WASF3: variants seen among roughly 807,000 people sequenced by gnomAD.
WASF3 encodes the protein WASP family member 3.
A neutral mutation model predicts 46.6 loss-of-function variants in WASF3; 11 were observed. That is an observed-to-expected ratio of 0.24 (90% CI 0.15 to 0.39). The LOEUF is 0.39. WASF3 is among the 10% of genes least tolerant of loss of function. The pLI is 1.00. For synonymous variants in WASF3, 242 were observed against 259.7 expected (o/e 0.93, Z 0.65); for missense variants, 576 against 669.8 (o/e 0.86, Z 1.55).
chr13:26,628,052 A>G (rs1320046784), intron 2 of WASF3, among the ~76,000 whole-genome samples: 1 of 132,254 alleles, frequency 7.6e-6, no homozygotes, highest in African/African-American at 2.9e-5. Context: ...CTGCCCGTAC[A>G]TGGAAATGTG....
At chr13:26,612,724 A>G (rs1380537145) in intron 1 of WASF3, among the ~76,000 whole-genome samples, 2 of 152,132 alleles carry the variant, frequency 1.3e-5, no homozygotes, top group African/African-American at 2.4e-5. Context: ...CCCTTCAGCT[A>G]TTATTTACTG....
intron 2 of WASF3, among the ~76,000 whole-genome samples, chr13:26,629,841 C>T (rs1054536301): frequency 2.0e-5 from 3 of 152,078 alleles, no homozygotes; most frequent in Admixed American, 6.5e-5. Context: ...TGCCTGGACC[C>T]CTGGTTCTCT....
chr13:26,660,194 G>GTTTTTTTTTTTTTTTTTTT (rs71080285), intron 3 of WASF3, among the ~76,000 whole-genome samples: 2 of 43,362 alleles, frequency 4.6e-5, no homozygotes, highest in African/African-American at 1.5e-4. Context: ...TTTTTGTTTG[G>GTTTTTTTTTTTTTTTTTTT]TTTTTTTTTT....
chr13:26,619,939 C>A (rs548034699), intron 2 of WASF3, among the ~76,000 whole-genome samples: 2 of 152,212 alleles, frequency 1.3e-5, no homozygotes, highest in Admixed American at 1.3e-4. Flanking sequence ...CCTGGTAAGA[C>A]ACAGAAATGA....
chr13:26,571,498 A>G (rs1879633137), intron 1 of WASF3, among the ~76,000 whole-genome samples: 1 of 152,170 alleles, frequency 6.6e-6, no homozygotes. Context: ...TATAAAGTTC[A>G]TCTTTACCCA....
chr13:26,681,256 C>A lies in WASF3; in HGVS notation c.919C>A (p.Pro307Thr), dbSNP rs752781175. 4 of 1,613,430 alleles carry A rather than the reference C, an allele frequency of 2.5e-6. No individual in the cohort carries two copies. The highest frequency in any genetic ancestry group is 3.4e-6 in the Non-Finnish European group (4 of 1,179,846). ...CAACAGACCTCAGCAGCCGCCCCCC[C>A]CGCCTCCCCCTCAGGCCCCAGAGGG... ...ALNRPQQPPP[P>T]PPPQAPEGSQ... is the part of the protein sequence containing the mutation. The change falls in exon 8 of 10, where the codon CCG becomes ACG. Residue 307 changes from proline (P) to threonine (T), a missense_variant. Pro to Thr is a conservative substitution (Grantham distance 38). Around this residue, in one of 3 missense-constraint regions of WASF3, gnomAD observed 295 missense variants for 291.5 expected, o/e 1.01. Transcript: ENST00000335327.
rs1230165820 is a variant in WASF3, at chr13:26,577,037, G to A, written c.-109+19218G>A. 6 of 722,372 alleles carry A rather than the reference G, an allele frequency of 8.3e-6. No individual in the cohort carries two copies. In the African/African-American group the frequency reaches 8.6e-5, roughly 10 times the overall value. The allele number at this position is 722,372 out of a possible 1,614,324, so 44.7% of individuals were successfully genotyped here. A position where few individuals can be genotyped will look rare whatever the true frequency, so the allele number is the denominator to read the frequency against. ...AATATTGGAAAGATGCTAGTCACCA[G>A]GACCCAAGGAAACAAAATTGCATCT... On this transcript the variant is annotated intron_variant, in intron 1 of 9. Coordinates refer to ENST00000335327, the MANE Select transcript of WASF3 (RefSeq NM_006646.6).
chr13:26,555,460 A>G (rs1299067349), upstream of WASF3, among the ~76,000 whole-genome samples: 1 of 151,996 alleles, frequency 6.6e-6, no homozygotes, highest in Non-Finnish European at 1.5e-5. Flanking sequence ...AGCATTTCAG[A>G]CTCCTTTGCA....
intron 2 of WASF3, among the ~76,000 whole-genome samples, chr13:26,621,464 C>G (rs1160190141): frequency 6.6e-6 from 1 of 151,558 alleles, no homozygotes; most frequent in Non-Finnish European, 1.5e-5. Flanking sequence ...TGAGGCCCAC[C>G]CTGATGAAGA....
intron 1 of WASF3, among the ~76,000 whole-genome samples, chr13:26,582,306 C>A (rs972743449): frequency 6.6e-6 from 1 of 152,042 alleles, no homozygotes; most frequent in Non-Finnish European, 1.5e-5. Flanking sequence ...GTGTTCAAAT[C>A]TTGACTCTGT....
intron 1 of WASF3, among the ~76,000 whole-genome samples, chr13:26,571,527 A>G (rs1403751191): frequency 6.6e-6 from 1 of 152,150 alleles, no homozygotes; most frequent in Non-Finnish European, 1.5e-5. Context: ...TGATGCCACC[A>G]TTGCTGTATA....
intron 1 of WASF3, among the ~76,000 whole-genome samples, chr13:26,564,910 T>TG (rs1358214068): frequency 1.3e-5 from 2 of 149,292 alleles, no homozygotes; most frequent in African/African-American, 2.5e-5. Context: ...GTTTTTTTTT[T>TG]TTTTTTTTTT....
At chr13:26,598,627 A>G (rs1028878869) in intron 1 of WASF3, among the ~76,000 whole-genome samples, 17 of 152,308 alleles carry the variant, frequency 1.1e-4, no homozygotes, top group African/African-American at 4.1e-4. Context: ...CATTGGATTC[A>G]CATAGTTTGA....
intron 2 of WASF3, among the ~76,000 whole-genome samples, chr13:26,627,079 G>A (rs1045076126): frequency 5.3e-5 from 8 of 152,060 alleles, no homozygotes; most frequent in African/African-American, 7.2e-5. Flanking sequence ...GGCTTTAATT[G>A]GAAGAGTACC....
chr13:26,596,906 T>C (rs1593138503), intron 1 of WASF3, among the ~76,000 whole-genome samples: 1 of 152,186 alleles, frequency 6.6e-6, no homozygotes, highest in Non-Finnish European at 1.5e-5. Context: ...CTTTCTGAAA[T>C]TGTAATTTCC....
At chr13:26,580,423 T>G (rs2137167663) in intron 1 of WASF3, among the ~76,000 whole-genome samples, 1 of 152,328 alleles carries the variant, frequency 6.6e-6, no homozygotes, top group South Asian at 2.1e-4. Context: ...GGTGCTAAAC[T>G]TTCCATGGGC....
chr13:26,555,007 TG>T (rs1879067061), upstream of WASF3, among the ~76,000 whole-genome samples: 1 of 152,254 alleles, frequency 6.6e-6, no homozygotes. Flanking sequence ...CGGCAATGGA[TG>T]GGCATTCCTG....
At chr13:26,629,486 T>G (rs1055265538) in intron 2 of WASF3, among the ~76,000 whole-genome samples, 4 of 152,194 alleles carry the variant, frequency 2.6e-5, no homozygotes, top group African/African-American at 9.6e-5. Flanking sequence ...CTTTCCACTG[T>G]CTCTGAGGGC....
At chr13:26,593,734 A>G (rs1174826350) in intron 1 of WASF3, among the ~76,000 whole-genome samples, 3 of 152,248 alleles carry the variant, frequency 2.0e-5, no homozygotes, top group Non-Finnish European at 4.4e-5. Flanking sequence ...TAGGTATCCA[A>G]TAAATATTCT....
Sources: gnomAD v4.1 joint callset for allele counts (sites outside exome capture counted in the v4.1 genomes callset) on GRCh38, gnomAD v4.1.1 for gene constraint, gnomAD v4.1.1 regional missense constraint, MANE v1.5 for transcripts, NCBI Gene and HGNC (gene_info 2026-07-23, HGNC 2026-07-21) for gene names.